CEP112: variants seen among roughly 807,000 people sequenced by gnomAD.
CEP112 encodes centrosomal protein of 112 kDa.
Under a neutral mutation model 153.0 loss-of-function variants are expected in CEP112, and 127 were observed. That is an observed-to-expected ratio of 0.83 (90% CI 0.72 to 0.96). The LOEUF is 0.96. CEP112 is among the 40% of genes least tolerant of loss of function. The pLI is 0.00. For synonymous variants in CEP112, 358 were observed against 374.4 expected, an observed-to-expected ratio of 0.96 and a Z score of 0.51; for missense variants, 1,089 against 1,101.2, an observed-to-expected ratio of 0.99 and a Z score of 0.16.
chr17:65,965,391 T>A (rs1201814720), intron 17 of CEP112, among the ~76,000 whole-genome samples: 1 of 152,216 alleles, frequency 6.6e-6, no homozygotes, highest in Non-Finnish European at 1.5e-5. Context: ...CGCCATACTG[T>A]CTGAACTAAT....
rs28408185 is a variant in CEP112 at position 65,798,856 on chromosome 17, G to T, written c.2395-48132C>A. The stretch of plus-strand genomic sequence containing the variant: ...ATTAAGAGCAAATAAAATTCTACAT[G>T]AAAATGCATTAGGAACCAGAATTTG... On this transcript the variant is annotated intron_variant, in intron 21 of 26. Coordinates refer to ENST00000535342, the MANE Select transcript of CEP112 (RefSeq NM_001199165.4). 2.8e-3 allele frequency among the ~76,000 whole-genome samples: 428 copies of T among 152,270 alleles called. 1 individual carries two copies. Among genetic ancestry groups the T allele is most frequent in the African/African-American group, 1.0e-2 (414 of 41,560 alleles).
At chr17:65,716,899 C>T (rs962479809) in intron 23 of CEP112, among the ~76,000 whole-genome samples, 1 of 152,144 alleles carries the variant, frequency 6.6e-6, no homozygotes, top group Non-Finnish European at 1.5e-5. Flanking sequence ...AAGAAAGTGA[C>T]AGGAATGGAA....
intron 5 of CEP112, among the ~76,000 whole-genome samples, chr17:66,130,547 G>A (rs1022734139): frequency 5.3e-5 from 8 of 151,824 alleles, no homozygotes; most frequent in Non-Finnish European, 8.8e-5. Context: ...AGGCCGAGGC[G>A]GGCAGATCAC....
chr17:66,109,259 T>A (rs2068915906), intron 6 of CEP112, among the ~76,000 whole-genome samples: 2 of 152,122 alleles, frequency 1.3e-5, no homozygotes, highest in Admixed American at 1.3e-4. Context: ...TAAATAACTA[T>A]AAGAGTGTAA....
At chr17:65,797,097 C>T (rs2054979528) in intron 21 of CEP112, 1 of 140,916 alleles carries the variant, frequency 7.1e-6, no homozygotes, top group South Asian at 2.3e-4. Context: ...CAAAACCCAT[C>T]TTTGATAGCC....
intron 18 of CEP112, among the ~76,000 whole-genome samples, chr17:65,954,444 A>G (rs191597683): frequency 1.2e-3 from 176 of 152,230 alleles, no homozygotes; most frequent in Non-Finnish European, 1.8e-3. Context: ...AATATGACAA[A>G]ACAAGATTCT....
chr17:66,150,098 C>T (rs1235879159), intron 4 of CEP112, among the ~76,000 whole-genome samples: 1 of 144,308 alleles, frequency 6.9e-6, no homozygotes, highest in Non-Finnish European at 1.5e-5. Flanking sequence ...GACAAGGTTT[C>T]ACCCGGTTAG....
At chr17:65,984,130 A>G (rs2063320881) in intron 17 of CEP112, among the ~76,000 whole-genome samples, 1 of 152,054 alleles carries the variant, frequency 6.6e-6, no homozygotes, top group South Asian at 2.1e-4. Context: ...CTTTTTAACC[A>G]TAACTTATTT....
At chr17:66,180,187 A>G (rs1002458905) in intron 2 of CEP112, among the ~76,000 whole-genome samples, 7 of 152,082 alleles carry the variant, frequency 4.6e-5, no homozygotes, top group African/African-American at 1.7e-4. Context: ...GTATCAGGGT[A>G]ATACTGGCCT....
intron 21 of CEP112, among the ~76,000 whole-genome samples, chr17:65,769,158 T>C (rs2053187039): frequency 6.6e-6 from 1 of 151,832 alleles, no homozygotes; most frequent in South Asian, 2.1e-4. Context: ...AAAAGGAAAC[T>C]GAGAAAACAA....
At chr17:65,979,312 G>A (rs973137908) in intron 17 of CEP112, among the ~76,000 whole-genome samples, 2 of 151,990 alleles carry the variant, frequency 1.3e-5, no homozygotes, top group African/African-American at 4.8e-5. Context: ...GTGGCAATCA[G>A]TTCACTATAA....
At chr17:66,090,177 C>T (rs781347160) in intron 8 of CEP112, among the ~76,000 whole-genome samples, 2 of 151,996 alleles carry the variant, frequency 1.3e-5, no homozygotes, top group African/African-American at 2.4e-5. Context: ...TACAAAAATG[C>T]TCAAGTGAAA....
At chr17:66,083,920 C>A (rs139687532) in intron 8 of CEP112, among the ~76,000 whole-genome samples, 77 of 152,088 alleles carry the variant, frequency 5.1e-4, no homozygotes, top group Non-Finnish European at 8.4e-4. Context: ...AGCAAAACCT[C>A]TGAAAGAGAT....
Position 66,144,344 on chromosome 17 carries a change from G to A in CEP112, c.471-11581C>T, listed in dbSNP as rs7207705. Among the ~76,000 whole-genome samples the A allele has an allele frequency of 5.5e-3, 842 of 152,090 alleles. 8 individuals are homozygous for A. The highest frequency in any genetic ancestry group is 0.019 in the African/African-American group (803 of 41,484). On this transcript the variant is annotated intron_variant, in intron 4 of 26. Transcript: ENST00000535342. ...AACAGTATGTACATGTTTATGTCTC[G>A]CTTGGCCTGGCCAAGAATATTTCTG...
At chr17:66,087,233 T>C (rs35920977) in intron 8 of CEP112, among the ~76,000 whole-genome samples, 48,410 of 152,078 alleles carry the variant, frequency 0.32, 9,992 homozygotes, top group Non-Finnish European at 0.46. Context: ...GCTTTAAATG[T>C]TTTTTCTTTG....
At chr17:65,969,173 C>A (rs578019540) in intron 17 of CEP112, among the ~76,000 whole-genome samples, 1 of 151,348 alleles carries the variant, frequency 6.6e-6, no homozygotes, top group South Asian at 2.1e-4. Context: ...CCTCTGCCTC[C>A]TGGGTTCAAG....
chr17:65,952,825 C>T (rs971364978), intron 18 of CEP112, among the ~76,000 whole-genome samples: 3 of 152,102 alleles, frequency 2.0e-5, no homozygotes, highest in Admixed American at 2.0e-4. Context: ...CGTGTAGTAG[C>T]ATCTCATTTT....
intron 12 of CEP112, among the ~76,000 whole-genome samples, chr17:66,040,494 C>CTT (rs71160522): frequency 0.5 from 66,983 of 133,414 alleles, 17,929 homozygotes; most frequent in African/African-American, 0.55. Context: ...CCCTTTTTTT[C>CTT]TTTTTTTTTT....
intron 16 of CEP112, among the ~76,000 whole-genome samples, chr17:66,013,518 C>T (rs1328611654): frequency 6.6e-6 from 1 of 152,266 alleles, no homozygotes; most frequent in East Asian, 1.9e-4. Context: ...CTCAACACTC[C>T]CACACTGTAT....
Sources: allele counts gnomAD v4.1 joint callset (sites outside exome capture counted in the v4.1 genomes callset), GRCh38; gene constraint gnomAD v4.1.1; transcripts MANE v1.5; gene names NCBI Gene and HGNC (gene_info 2026-07-23, HGNC 2026-07-21).